CD80: variants seen among roughly 807,000 people sequenced by gnomAD.
CD80 encodes CD80 molecule, also known as T-lymphocyte activation antigen CD80.
Under a neutral mutation model 27.1 loss-of-function variants are expected in CD80, and 13 were observed. That is an observed-to-expected ratio of 0.48 (90% CI 0.31 to 0.76). The LOEUF (loss-of-function observed/expected upper bound fraction) is 0.76, where lower values mean the gene tolerates loss of function less well. Among genes scored for constraint, CD80 ranks in the 30% least tolerant of loss-of-function variants. The pLI is 0.04. For synonymous variants in CD80, 125 were observed against 125.5 expected (o/e 1.00, Z 0.03); for missense variants, 277 against 347.9 (o/e 0.80, Z 1.62).
At chr3:119,545,125 C>A (rs550263249) in intron 2 of CD80, among the ~76,000 whole-genome samples, 89 of 152,230 alleles carry the variant, frequency 5.8e-4, no homozygotes, top group African/African-American at 2.1e-3. Context: ...AGGCAGATCA[C>A]TTGAGGTCAG....
chr3:119,540,783 T>A (rs1396265946), intron 3 of CD80, among the ~76,000 whole-genome samples: 1 of 152,170 alleles, frequency 6.6e-6, no homozygotes, highest in Non-Finnish European at 1.5e-5. Flanking sequence ...GTGTGCTGGC[T>A]CATGCCTGTA....
At position 119,547,485 on chromosome 3, in the gene CD80, T is replaced by C. The variant is rs112891895; in HGVS notation, c.101-2618A>G. On this transcript the variant is annotated intron_variant, in intron 2 of 6. Transcript: ENST00000264246. Reference sequence around the variant, plus strand: ...CATTACAAAACACATCTCATTCTTCTTATGTAACAAGACTTGCAGATATCT... The same window carrying C: ...CATTACAAAACACATCTCATTCTTCCTATGTAACAAGACTTGCAGATATCT... Among the ~76,000 whole-genome samples the C allele has an allele frequency of 4.2e-4, 64 of 152,372 alleles. 2 individuals are homozygous for C. Among genetic ancestry groups the C allele is most frequent in the African/African-American group, 1.5e-3 (63 of 41,592 alleles).
At chr3:119,525,970 C>T (rs1448672059) in intron 6 of CD80, among the ~76,000 whole-genome samples, 2 of 150,552 alleles carry the variant, frequency 1.3e-5, no homozygotes, top group African/African-American at 4.9e-5. Flanking sequence ...AAGGGTATTC[C>T]CAGCTTGTAC....
At chr3:119,539,651 G>A (rs1467077196) in intron 3 of CD80, among the ~76,000 whole-genome samples, 1 of 152,136 alleles carries the variant, frequency 6.6e-6, no homozygotes, top group Non-Finnish European at 1.5e-5. Flanking sequence ...TAAATGCAGA[G>A]AACATAGGAG....
chr3:119,550,142 C>T (rs931487216), intron 2 of CD80, among the ~76,000 whole-genome samples: 1 of 152,208 alleles, frequency 6.6e-6, no homozygotes, highest in Non-Finnish European at 1.5e-5. Context: ...CCAACTCTTA[C>T]CTTTCATTTC....
intron 3 of CD80, among the ~76,000 whole-genome samples, chr3:119,543,462 C>CTT (rs34234039): frequency 1.6e-4 from 23 of 143,864 alleles, no homozygotes; most frequent in Non-Finnish European, 1.8e-4. Flanking sequence ...CTGTAGTCTA[C>CTT]TTTTTTTTTT....
chr3:119,558,765 CAAAA>C (rs11343154), intron 1 of CD80, among the ~76,000 whole-genome samples: 3 of 93,680 alleles, frequency 3.2e-5, no homozygotes. Flanking sequence ...GACTCCATCT[CAAAA>C]AAAAAAAAAA....
intron 3 of CD80, among the ~76,000 whole-genome samples, 173 bp from the exon 4 acceptor site, chr3:119,537,591 C>G (rs1472216021): frequency 1.3e-5 from 2 of 152,134 alleles, no homozygotes; most frequent in African/African-American, 4.8e-5. Flanking sequence ...CACCTGAGGT[C>G]AGGAGTTTGA....
chr3:119,553,849 C>T (rs1577113736), intron 2 of CD80, among the ~76,000 whole-genome samples: 1 of 152,180 alleles, frequency 6.6e-6, no homozygotes, highest in Non-Finnish European at 1.5e-5. Flanking sequence ...ATTGTCTCAC[C>T]ACCTGGAGAT....
intron 2 of CD80, among the ~76,000 whole-genome samples, chr3:119,553,128 T>G (rs1034371428): frequency 2.0e-5 from 3 of 146,518 alleles, no homozygotes; most frequent in Admixed American, 2.0e-4. Flanking sequence ...TATTTATTTA[T>G]TTATTTATTT....
intron 2 of CD80, among the ~76,000 whole-genome samples, chr3:119,552,297 C>G (rs1054618149): frequency 6.6e-6 from 1 of 151,708 alleles, no homozygotes. Context: ...CTGGCTAATA[C>G]GGTGAAACCC....
intron 3 of CD80, among the ~76,000 whole-genome samples, chr3:119,542,316 T>C (rs1167235170): frequency 6.6e-6 from 1 of 152,094 alleles, no homozygotes; most frequent in Non-Finnish European, 1.5e-5. Flanking sequence ...CCCACAACTT[T>C]AGGTGTGATC....
intron 2 of CD80, among the ~76,000 whole-genome samples, chr3:119,546,660 A>T (rs1178967278): frequency 1.3e-5 from 2 of 152,316 alleles, no homozygotes; most frequent in African/African-American, 4.8e-5. Flanking sequence ...TCCTTCTTGG[A>T]TCTGTTGCCT....
chr3:119,540,653 A>C (rs2082162885), intron 3 of CD80, among the ~76,000 whole-genome samples: 1 of 152,050 alleles, frequency 6.6e-6, no homozygotes, highest in African/African-American at 2.4e-5. Context: ...AAATCCAAAA[A>C]CTCATATCCT....
At chr3:119,557,501 CT>C (rs1418549311) in intron 2 of CD80, 127 bp downstream of exon 2, 2 of 548,508 alleles carry the variant, frequency 3.6e-6, no homozygotes, top group East Asian at 6.3e-5. Context: ...TCTTTAAAAT[CT>C]TCTGAAAACA....
chr3:119,557,684 T>G lies in CD80; in HGVS notation c.45A>C (p.Pro15=). ...RRQGTSPSKC[P]YLNFFQLLVL... ...CCAAGAGCTGAAAGAAATTGAGGTA[T>G]GGACACTTGGATGGTGATGTTCCCT... Residue 15 remains proline, a synonymous_variant, in exon 2 of 7, where the codon CCA becomes CCC. Coordinates refer to ENST00000264246, the MANE Select transcript of CD80 (RefSeq NM_005191.4). The G allele has an allele frequency of 6.2e-7, 1 of 1,613,872 alleles. No homozygotes were observed. The highest frequency in any genetic ancestry group is 8.5e-7 in the Non-Finnish European group (1 of 1,179,908).
rs760164873 is a variant in CD80 at position 119,557,947 on chromosome 3, A to G, written c.-200-19T>C. 5.4e-6 allele frequency: 2 copies of G among 369,020 alleles called. No individual in the cohort carries two copies. The highest frequency in any genetic ancestry group is 9.7e-6 in the Non-Finnish European group (2 of 206,462). 22.9% of individuals were successfully genotyped at this position (369,020 alleles called of 1,614,324 possible). A position where few individuals can be genotyped will look rare whatever the true frequency, so the allele number is the denominator to read the frequency against. ...TCACAGCCTGAAAAAGGAACAAATA[A>G]AAGTCATTCAGGAAGGAAGGTGTGC... is the stretch of plus-strand genomic sequence containing the variant. On this transcript the variant is annotated intron_variant, in intron 1 of 6. Transcript: ENST00000264246.
rs564466021 is a variant in CD80 at position 119,558,814 on chromosome 3, G to T, written c.-201+626C>A. Among the ~76,000 whole-genome samples the T allele has an allele frequency of 1.1e-4, 17 of 151,808 alleles. No individual in the cohort carries two copies. The South Asian group carries it at 3.3e-3, about 30-fold the overall frequency. On this transcript the variant is annotated intron_variant, in intron 1 of 6. Transcript: ENST00000264246. Reference sequence around the variant, plus strand: ...TGTACTGTCATGTGAGGTGGCTAGGGATTAATTTTTCCAGTAAATATGTCA... The same window carrying T: ...TGTACTGTCATGTGAGGTGGCTAGGTATTAATTTTTCCAGTAAATATGTCA...
At chr3:119,539,517 T>C (rs2082156197) in intron 3 of CD80, among the ~76,000 whole-genome samples, 1 of 152,180 alleles carries the variant, frequency 6.6e-6, no homozygotes. Context: ...TTGTTTTTCT[T>C]ACTATTTTGA....
Sources: allele counts gnomAD v4.1 joint callset (sites outside exome capture counted in the v4.1 genomes callset), GRCh38; gene constraint gnomAD v4.1.1; transcripts MANE v1.5; gene names NCBI Gene and HGNC (gene_info 2026-07-23, HGNC 2026-07-21).